The following ARHGAP17 variants were observed in gnomAD, a reference collection of about 807,000 sequenced individuals.
The protein encoded by ARHGAP17 is Rho GTPase activating protein 17, also known as rho GTPase-activating protein 17.
In ARHGAP17, 57 loss-of-function variants were observed where a neutral mutation model predicts 99.5. That is an observed-to-expected ratio of 0.57 (90% confidence interval 0.46 to 0.71). ARHGAP17 has a LOEUF of 0.71. Among genes scored for constraint, ARHGAP17 ranks in the 30% least tolerant of loss-of-function variants. ARHGAP17 has a pLI of 0.00. For synonymous variants in ARHGAP17, 417 were observed against 429.6 expected (o/e 0.97, Z 0.36); for missense variants, 1,000 against 1,122.4 (o/e 0.89, Z 1.56).
chr16:24,944,283 A>G (rs1385214399), intron 14 of ARHGAP17, among the ~76,000 whole-genome samples: 1 of 151,910 alleles, frequency 6.6e-6, no homozygotes, highest in Non-Finnish European at 1.5e-5. Context: ...AAAAAAAAAA[A>G]AAAATCAAAT....
intron 4 of ARHGAP17, among the ~76,000 whole-genome samples, chr16:24,970,019 C>T (rs962100133): frequency 5.4e-5 from 8 of 149,050 alleles, no homozygotes; most frequent in Non-Finnish European, 3.0e-5. Context: ...TTTGTTCTTA[C>T]TTATATAAAT....
intron 6 of ARHGAP17, 51 bp downstream of exon 6, chr16:24,968,300 C>A: frequency 1.3e-6 from 2 of 1,590,980 alleles, no homozygotes; most frequent in South Asian, 2.2e-5. Flanking sequence ...TGGTCTTCTC[C>A]CCCGTGGTGG....
chr16:24,932,643 C>T (rs573561787), intron 18 of ARHGAP17, among the ~76,000 whole-genome samples: 5 of 152,226 alleles, frequency 3.3e-5, no homozygotes, highest in Non-Finnish European at 5.9e-5. Flanking sequence ...TGGACAAAAG[C>T]ATGAATAAAT....
intron 1 of ARHGAP17, among the ~76,000 whole-genome samples, chr16:24,986,598 T>A (rs1317330849): frequency 2.6e-5 from 4 of 152,262 alleles, no homozygotes; most frequent in Admixed American, 1.3e-4. Flanking sequence ...GTGCTATCTA[T>A]GGCTGCTTTT....
At chr16:24,967,501 T>C (rs545928566) in intron 6 of ARHGAP17, among the ~76,000 whole-genome samples, 5 of 152,196 alleles carry the variant, frequency 3.3e-5, no homozygotes, top group Middle Eastern at 3.4e-3. Context: ...AAGAAAGCCA[T>C]GTAAGTCACT....
intron 14 of ARHGAP17, 80 bp downstream of exon 14, chr16:24,947,402 G>C: frequency 8.1e-7 from 1 of 1,228,624 alleles, no homozygotes; most frequent in South Asian, 1.3e-5. Context: ...AAACTAGAAT[G>C]TGTAACCTGA....
chr16:24,969,261 TCATA>T (rs2052288112), intron 4 of ARHGAP17, among the ~76,000 whole-genome samples: 1 of 152,148 alleles, frequency 6.6e-6, no homozygotes, highest in Admixed American at 6.5e-5. Context: ...GCAGCTGATA[TCATA>T]CAAAGTACAC....
chr16:25,006,423 C>T (rs1194202232), intron 1 of ARHGAP17, among the ~76,000 whole-genome samples: 2 of 144,868 alleles, frequency 1.4e-5, no homozygotes, highest in African/African-American at 5.2e-5. Context: ...GCACTCCAGA[C>T]TGAGTGACAG....
intron 13 of ARHGAP17, 43 bp from the exon 14 acceptor site, chr16:24,947,638 G>C (rs1266939604): frequency 2.0e-6 from 3 of 1,522,386 alleles, no homozygotes; most frequent in Admixed American, 1.7e-5. Flanking sequence ...CTCTGAAATA[G>C]CTGCTGGAAT....
chr16:25,015,174 C>T, intron 1 of ARHGAP17, 35 bp downstream of exon 1: 1 of 1,273,900 alleles, frequency 7.8e-7, no homozygotes, highest in Non-Finnish European at 9.9e-7. Context: ...CGCCCCCAGC[C>T]CCGGTGCGAC....
intron 19 of ARHGAP17, among the ~76,000 whole-genome samples, chr16:24,929,171 TA>T (rs1302749827): frequency 1.3e-5 from 2 of 149,012 alleles, no homozygotes; most frequent in African/African-American, 4.9e-5. Flanking sequence ...TTTTTTTTTT[TA>T]AAAAGAGGCA....
intron 18 of ARHGAP17, 112 bp from the exon 19 acceptor site, chr16:24,931,516 A>G: frequency 9.0e-7 from 1 of 1,113,844 alleles, no homozygotes; most frequent in Non-Finnish European, 1.2e-6. Context: ...AGCATCATGT[A>G]CCTCTGATGA....
chr16:24,953,133 C>T (rs1484638421), intron 10 of ARHGAP17, 91 bp from the exon 11 acceptor site: 38 of 1,132,486 alleles, frequency 3.4e-5, no homozygotes, highest in Non-Finnish European at 4.3e-5. Flanking sequence ...TCCTGACTTC[C>T]GCTCACCTCC....
intron 2 of ARHGAP17, among the ~76,000 whole-genome samples, chr16:24,977,796 C>A (rs541386200): frequency 1.3e-5 from 2 of 152,102 alleles, no homozygotes; most frequent in Non-Finnish European, 2.9e-5. Flanking sequence ...GCATCATAAG[C>A]AGCTTCCCAA....
intron 19 of ARHGAP17, among the ~76,000 whole-genome samples, chr16:24,921,485 G>C (rs1396723144): frequency 6.6e-6 from 1 of 152,080 alleles, no homozygotes; most frequent in African/African-American, 2.4e-5. Flanking sequence ...TGTCCTTGAC[G>C]GGAGCTAGTT....
rs1042613338 is a variant in ARHGAP17 at position 25,006,933 on chromosome 16, T to C, written c.53+8276A>G. Among the ~76,000 whole-genome samples the C allele has an allele frequency of 3.3e-5, 5 of 152,182 alleles. No individual in the cohort carries two copies. In the East Asian group the frequency reaches 9.7e-4, roughly 29 times the overall value. On this transcript the variant is annotated intron_variant, in intron 1 of 19. Coordinates refer to ENST00000289968, the MANE Select transcript of ARHGAP17 (RefSeq NM_001006634.3). ...GCATAAAACTGTCACCATGAGGTGA[T>C]AGTTATGGGGCTGAGATCACCCAGG...
chr16:24,923,654 G>C (rs911449524), intron 19 of ARHGAP17, among the ~76,000 whole-genome samples: 1 of 151,194 alleles, frequency 6.6e-6, no homozygotes, highest in Non-Finnish European at 1.5e-5. Flanking sequence ...GGAGGTCAAG[G>C]CTGCAGTGGA....
intron 1 of ARHGAP17, among the ~76,000 whole-genome samples, chr16:24,989,983 T>A (rs936408432): frequency 6.6e-6 from 1 of 152,224 alleles, no homozygotes. Flanking sequence ...AATAACTTAG[T>A]GTGTATTTTC....
chr16:24,977,595 G>A (rs2052556411), intron 2 of ARHGAP17: 1 of 305,150 alleles, frequency 3.3e-6, no homozygotes, highest in Non-Finnish European at 6.0e-6. Context: ...TCCAGTTCAT[G>A]GCAACTGAGC....
Sources: gnomAD v4.1 joint callset for allele counts (sites outside exome capture counted in the v4.1 genomes callset) on GRCh38, gnomAD v4.1.1 for gene constraint, MANE v1.5 for transcripts, NCBI Gene and HGNC (gene_info 2026-07-23, HGNC 2026-07-21) for gene names.